Variants in LHFPL3 observed in about 807,000 individuals in gnomAD.
The protein encoded by LHFPL3 is LHFPL tetraspan subfamily member 3, also known as LHFPL tetraspan subfamily member 3 protein.
In LHFPL3, 5 loss-of-function variants were observed where a neutral mutation model predicts 19.3. The observed-to-expected ratio is 0.26, with a 90% CI of 0.14 to 0.54. LHFPL3 has a LOEUF of 0.54. Ranked by LOEUF, LHFPL3 falls within the 20% of genes least tolerant of loss-of-function variation. The probability of loss-of-function intolerance (pLI) is 0.94; values close to 1 mark genes in which losing one functional copy is unlikely to be tolerated. For missense variants in LHFPL3, 249 were observed against 307.4 expected, an observed-to-expected ratio of 0.81 and a Z score of 1.42; for synonymous variants, 133 against 126.2, an observed-to-expected ratio of 1.05 and a Z score of -0.36.
At chr7:104,663,130 T>C (rs1035631852) in intron 1 of LHFPL3, among the ~76,000 whole-genome samples, 5 of 152,218 alleles carry the variant, frequency 3.3e-5, no homozygotes, top group African/African-American at 4.8e-5. Flanking sequence ...ACTTAAGAAC[T>C]TGAAAGTTTT....
intron 2 of LHFPL3, among the ~76,000 whole-genome samples, chr7:104,787,631 G>C (rs1174851393): frequency 6.6e-6 from 1 of 152,156 alleles, no homozygotes; most frequent in African/African-American, 2.4e-5. Flanking sequence ...GTTCACTGCA[G>C]CCTTGAGCTC....
chr7:104,720,240 A>G (rs1793461968), intron 1 of LHFPL3, among the ~76,000 whole-genome samples: 1 of 152,204 alleles, frequency 6.6e-6, no homozygotes, highest in Non-Finnish European at 1.5e-5. Flanking sequence ...AACACCACAC[A>G]TCTACAACCA....
At chr7:104,792,934 C>T (rs751735846) in intron 2 of LHFPL3, among the ~76,000 whole-genome samples, 7 of 152,076 alleles carry the variant, frequency 4.6e-5, no homozygotes, top group Non-Finnish European at 7.4e-5. Flanking sequence ...TAGCTCTTGT[C>T]GCCCAGGCTG....
intron 2 of LHFPL3, among the ~76,000 whole-genome samples, chr7:104,788,544 G>A (rs538395274): frequency 6.6e-6 from 1 of 152,258 alleles, no homozygotes; most frequent in African/African-American, 2.4e-5. Context: ...AATTATACAT[G>A]TGAGAAGATA....
chr7:104,703,531 T>C (rs1468312571), intron 1 of LHFPL3, among the ~76,000 whole-genome samples: 1 of 152,194 alleles, frequency 6.6e-6, no homozygotes, highest in Non-Finnish European at 1.5e-5. Flanking sequence ...GCTTTTGACT[T>C]TGAATTCTGC....
At chr7:104,402,725 A>G (rs1171882441) in intron 1 of LHFPL3, among the ~76,000 whole-genome samples, 1 of 152,224 alleles carries the variant, frequency 6.6e-6, no homozygotes, top group East Asian at 1.9e-4. Context: ...ACAGATAAGA[A>G]AATTATACTA....
intron 1 of LHFPL3, among the ~76,000 whole-genome samples, chr7:104,381,851 T>A (rs1047614919): frequency 3.3e-5 from 5 of 152,230 alleles, no homozygotes; most frequent in African/African-American, 1.2e-4. Flanking sequence ...TTGAGTGAAA[T>A]ATCACTGCTT....
intron 1 of LHFPL3, among the ~76,000 whole-genome samples, chr7:104,674,608 C>G (rs1792556795): frequency 6.6e-6 from 1 of 152,022 alleles, no homozygotes; most frequent in Admixed American, 6.5e-5. Context: ...ACCTCGTGAT[C>G]CACCTGCCTC....
At chr7:104,885,792 C>T (rs972385779) in intron 2 of LHFPL3, among the ~76,000 whole-genome samples, 9 of 152,124 alleles carry the variant, frequency 5.9e-5, no homozygotes, top group African/African-American at 1.9e-4. Flanking sequence ...TTCTCCCCAC[C>T]CTTCAATAAT....
intron 1 of LHFPL3, among the ~76,000 whole-genome samples, chr7:104,377,376 C>G (rs1790736151): frequency 6.6e-6 from 1 of 152,136 alleles, no homozygotes; most frequent in Admixed American, 6.6e-5. Flanking sequence ...AGAGATACAG[C>G]CCTATTCTTC....
At chr7:104,674,589 G>A (rs1481534422) in intron 1 of LHFPL3, among the ~76,000 whole-genome samples, 4 of 151,912 alleles carry the variant, frequency 2.6e-5, no homozygotes, top group African/African-American at 7.3e-5. Flanking sequence ...GGATGGTCTC[G>A]ATCTCCTGAC....
intron 1 of LHFPL3, among the ~76,000 whole-genome samples, chr7:104,376,198 A>C (rs2188493): frequency 6.6e-6 from 1 of 152,204 alleles, no homozygotes; most frequent in Admixed American, 6.5e-5. Flanking sequence ...TTAATTTACC[A>C]AATCATTTAC....
chr7:104,546,794 T>G (rs1358735270), intron 1 of LHFPL3, among the ~76,000 whole-genome samples: 1 of 152,194 alleles, frequency 6.6e-6, no homozygotes, highest in East Asian at 1.9e-4. Context: ...TGGGTTCAAA[T>G]GGCTTGCTGT....
At chr7:104,568,386 C>T (rs994075183) in intron 1 of LHFPL3, among the ~76,000 whole-genome samples, 3 of 152,178 alleles carry the variant, frequency 2.0e-5, no homozygotes, top group African/African-American at 7.2e-5. Flanking sequence ...TCCTGTTCTT[C>T]CTGAATCTTA....
At chr7:104,517,625 G>A (rs1793946551) in intron 1 of LHFPL3, among the ~76,000 whole-genome samples, 1 of 150,798 alleles carries the variant, frequency 6.6e-6, no homozygotes, top group Non-Finnish European at 1.5e-5. Context: ...TCCTGCCTCA[G>A]CCTCCTGAAT....
intron 2 of LHFPL3, among the ~76,000 whole-genome samples, chr7:104,774,859 G>A (rs1340548625): frequency 6.6e-6 from 1 of 152,178 alleles, no homozygotes; most frequent in East Asian, 1.9e-4. Context: ...AAACATATGA[G>A]TTTTAGCATC....
intron 1 of LHFPL3, among the ~76,000 whole-genome samples, chr7:104,430,632 C>A (rs1048410824): frequency 6.7e-6 from 1 of 149,558 alleles, no homozygotes; most frequent in African/African-American, 2.4e-5. Flanking sequence ...CAATGCCTGG[C>A]TAATCTTTTG....
At chr7:104,565,706 C>T (rs369437839) in intron 1 of LHFPL3, among the ~76,000 whole-genome samples, 2 of 143,308 alleles carry the variant, frequency 1.4e-5, no homozygotes, top group Non-Finnish European at 3.0e-5. Context: ...TTTCCCTGCA[C>T]CTTCCTGTCT....
intron 1 of LHFPL3, among the ~76,000 whole-genome samples, chr7:104,736,163 G>T (rs1207468497): frequency 1.3e-5 from 2 of 152,116 alleles, no homozygotes; most frequent in Non-Finnish European, 2.9e-5. Flanking sequence ...AAACTTTTCT[G>T]TGGCAGGGGA....
Sources: allele counts gnomAD v4.1 joint callset (sites outside exome capture counted in the v4.1 genomes callset), GRCh38; gene constraint gnomAD v4.1.1; transcripts MANE v1.5; gene names NCBI Gene and HGNC (gene_info 2026-07-23, HGNC 2026-07-21).